Variants in DIAPH2 observed in about 807,000 individuals in gnomAD.
DIAPH2 encodes protein diaphanous homolog 2.
DIAPH2 carries 35 observed loss-of-function variants against 92.7 expected under a neutral mutation model. The observed-to-expected ratio is 0.38, with a 90% CI of 0.29 to 0.50. The LOEUF is 0.50. Among genes scored for constraint, DIAPH2 ranks in the 20% least tolerant of loss-of-function variants. The pLI, the probability that DIAPH2 is intolerant of heterozygous loss-of-function variation, is 0.94. For synonymous variants in DIAPH2, 301 were observed against 280.4 expected (o/e 1.07, Z -0.73); for missense variants, 701 against 819.5 (o/e 0.86, Z 1.77).
intron 17 of DIAPH2, among the ~76,000 whole-genome samples, chrX:97,018,890 C>T (rs373571629): frequency 5.4e-5 from 6 of 111,574 alleles, no homozygotes; most frequent in African/African-American, 2.0e-4. Flanking sequence ...AAAAATCTTC[C>T]GTGCCCTACC....
chrX:97,079,041 G>A (rs2066723868), intron 19 of DIAPH2, among the ~76,000 whole-genome samples: 1 of 111,085 alleles, frequency 9.0e-6, no homozygotes, highest in South Asian at 3.8e-4. Flanking sequence ...AGGCATTCAC[G>A]CTCTCTACCT....
intron 1 of DIAPH2, among the ~76,000 whole-genome samples, chrX:96,699,083 C>T (rs769309512): frequency 2.4e-4 from 27 of 111,316 alleles, no homozygotes; most frequent in Non-Finnish European, 3.6e-4. Context: ...GTTCATACAA[C>T]TGTGTACAAC....
chrX:97,042,585 T>C (rs779361554), intron 17 of DIAPH2, among the ~76,000 whole-genome samples: 1 of 112,119 alleles, frequency 8.9e-6, no homozygotes, highest in South Asian at 3.6e-4. Flanking sequence ...TGTATACATG[T>C]GTATGCATAT....
At chrX:97,367,702 C>CTTTT (rs200267248) in intron 24 of DIAPH2, among the ~76,000 whole-genome samples, 1 of 97,131 alleles carries the variant, frequency 1.0e-5, no homozygotes, top group Admixed American at 1.1e-4. Context: ...GGTAAAATAT[C>CTTTT]TTTTTTTTTT....
chrX:96,875,948 A>G (rs918613045), intron 4 of DIAPH2, among the ~76,000 whole-genome samples: 4 of 111,558 alleles, frequency 3.6e-5, no homozygotes, highest in Non-Finnish European at 5.7e-5. Context: ...CTGCACCGCA[A>G]AAGAAACTAC....
chrX:96,721,075 G>A (rs1351284492), intron 1 of DIAPH2, among the ~76,000 whole-genome samples: 1 of 111,268 alleles, frequency 9.0e-6, no homozygotes, highest in Admixed American at 9.6e-5. Context: ...TTTTTTTGCT[G>A]TTGGCTGTCT....
At chrX:96,858,325 G>A (rs2065052786) in intron 4 of DIAPH2, among the ~76,000 whole-genome samples, 1 of 112,018 alleles carries the variant, frequency 8.9e-6, no homozygotes, top group African/African-American at 3.2e-5. Context: ...ACAACCATGA[G>A]TCAGAATTTT....
chrX:96,883,027 T>A (rs1469024799), intron 5 of DIAPH2, among the ~76,000 whole-genome samples: 3 of 99,700 alleles, frequency 3.0e-5, no homozygotes, highest in Non-Finnish European at 6.0e-5. Flanking sequence ...ACTACTAGAA[T>A]CTTAAGTTCA....
intron 1 of DIAPH2, among the ~76,000 whole-genome samples, chrX:96,719,797 C>T (rs1211607207): frequency 9.0e-6 from 1 of 111,066 alleles, no homozygotes; most frequent in Non-Finnish European, 1.9e-5. Context: ...ATAACAGTTA[C>T]CATTTAAAAA....
chrX:96,819,052 G>A lies in DIAPH2; in HGVS notation c.447+60794G>A, dbSNP rs559987264. On this transcript the variant is annotated intron_variant, in intron 4 of 26. Coordinates refer to ENST00000324765, the MANE Select transcript of DIAPH2 (RefSeq NM_006729.5). ...GAATCTAATGCTGGTCTGACAGGAG[G>A]TGGAGCTCAGAGAGTAATGCTCATT... Among the ~76,000 whole-genome samples, 5 of 112,454 alleles carry A rather than the reference G, an allele frequency of 4.4e-5. No individual in the cohort carries two copies. The South Asian group carries it at 1.8e-3, about 42-fold the overall frequency.
At chrX:96,910,790 T>C (rs1451945008) in intron 5 of DIAPH2, among the ~76,000 whole-genome samples, 3 of 111,419 alleles carry the variant, frequency 2.7e-5, no homozygotes, top group African/African-American at 9.8e-5. Flanking sequence ...GATATAACTA[T>C]CTTTAGAGAA....
At chrX:97,175,351 G>C (rs1202483561) in intron 22 of DIAPH2, among the ~76,000 whole-genome samples, 1 of 111,585 alleles carries the variant, frequency 9.0e-6, no homozygotes, top group Non-Finnish European at 1.9e-5. Flanking sequence ...GATAGGTGGT[G>C]CCATAGTTCT....
intron 14 of DIAPH2, among the ~76,000 whole-genome samples, chrX:96,947,254 T>A (rs770748863): frequency 9.0e-6 from 1 of 111,592 alleles, no homozygotes; most frequent in Admixed American, 9.5e-5. Flanking sequence ...AATAAACCAT[T>A]TTTAGAGGAA....
chrX:97,185,941 A>C (rs1602401429), intron 22 of DIAPH2, among the ~76,000 whole-genome samples: 1 of 110,978 alleles, frequency 9.0e-6, no homozygotes, highest in Admixed American at 9.7e-5. Context: ...CTTTTATAGT[A>C]ATTGCATCTT....
intron 25 of DIAPH2, among the ~76,000 whole-genome samples, chrX:97,393,028 G>T (rs766037129): frequency 2.7e-5 from 3 of 111,022 alleles, no homozygotes; most frequent in African/African-American, 9.8e-5. Flanking sequence ...GGGGAGTTGT[G>T]GCATGATGAG....
chrX:96,943,517 G>T (rs2065719250), intron 13 of DIAPH2, among the ~76,000 whole-genome samples: 1 of 110,466 alleles, frequency 9.1e-6, no homozygotes, highest in Non-Finnish European at 1.9e-5. Context: ...TTTGTTGAGG[G>T]AGTCATAAGG....
chrX:96,900,901 C>T (rs1050843679), intron 5 of DIAPH2, among the ~76,000 whole-genome samples: 3 of 111,603 alleles, frequency 2.7e-5, no homozygotes, highest in African/African-American at 9.8e-5. Context: ...CAATGTTCAC[C>T]AGGGATATTG....
chrX:96,843,918 G>A (rs1301670479), intron 4 of DIAPH2, among the ~76,000 whole-genome samples: 7 of 111,697 alleles, frequency 6.3e-5, no homozygotes, highest in Non-Finnish European at 1.1e-4. Context: ...CATAAGAAGG[G>A]GCTTCACAAG....
chrX:96,871,190 C>T (rs1371409324), intron 4 of DIAPH2, among the ~76,000 whole-genome samples: 3 of 111,030 alleles, frequency 2.7e-5, no homozygotes, highest in Non-Finnish European at 5.7e-5. Flanking sequence ...GGTAGTGGGC[C>T]GGGCGCAGTG....
Sources: allele counts gnomAD v4.1 joint callset (sites outside exome capture counted in the v4.1 genomes callset), GRCh38; gene constraint gnomAD v4.1.1; transcripts MANE v1.5; gene names NCBI Gene and HGNC (gene_info 2026-07-23, HGNC 2026-07-21).